The following GLCCI1 variants were observed in gnomAD, a reference collection of about 807,000 sequenced individuals.
GLCCI1 encodes glucocorticoid induced 1, also known as glucocorticoid-induced transcript 1 protein.
A neutral mutation model predicts 52.2 loss-of-function variants in GLCCI1; 24 were observed. That is an observed-to-expected ratio of 0.46 (90% CI 0.33 to 0.65). The LOEUF is 0.65. GLCCI1 is among the 30% of genes least tolerant of loss of function. The probability of loss-of-function intolerance (pLI) is 0.02; values close to 1 mark genes in which losing one functional copy is unlikely to be tolerated. For missense variants in GLCCI1, 704 were observed against 701.5 expected, an observed-to-expected ratio of 1.00 and a Z score of -0.04; for synonymous variants, 310 against 276.5, an observed-to-expected ratio of 1.12 and a Z score of -1.20.
chr7:7,994,162 G>T (rs148088957), intron 1 of GLCCI1, among the ~76,000 whole-genome samples: 13 of 152,294 alleles, frequency 8.5e-5, no homozygotes, highest in African/African-American at 2.9e-4. Context: ...GCTGAGACAT[G>T]AGAATCACTT....
At chr7:8,020,965 A>G (rs1299733094) in intron 2 of GLCCI1, among the ~76,000 whole-genome samples, 2 of 152,196 alleles carry the variant, frequency 1.3e-5, no homozygotes, top group East Asian at 1.9e-4. Flanking sequence ...TTTATAAGCA[A>G]CTTATTTAAT....
chr7:8,077,117 T>TCTTC (rs1384837435), intron 6 of GLCCI1, among the ~76,000 whole-genome samples: 24 of 152,334 alleles, frequency 1.6e-4, no homozygotes, highest in African/African-American at 5.5e-4. Flanking sequence ...AACTGTCTCA[T>TCTTC]CTTCCCCTTC....
In GLCCI1 at chr7:8,022,471, TA is replaced by T; in HGVS notation, c.610-11del. 6.8e-7 allele frequency: 1 copy of T among 1,463,302 alleles called. No homozygotes were observed. The allele number at this position is 1,463,302 out of a possible 1,614,324, so 90.6% of individuals were successfully genotyped here. On this transcript the variant is annotated splice_polypyrimidine_tract_variant and intron_variant, in intron 2 of 7. Transcript: ENST00000223145. Reference sequence around the variant, plus strand: ...AAATTTCTTATTTTATTTATATATATATTTTTTAAAGACACCTAGCTGTTGG... The same window carrying T: ...AAATTTCTTATTTTATTTATATATATTTTTTTAAAGACACCTAGCTGTTGG...
chr7:8,082,456 C>T (rs1352441131), intron 6 of GLCCI1, among the ~76,000 whole-genome samples: 2 of 152,196 alleles, frequency 1.3e-5, no homozygotes, highest in East Asian at 3.9e-4. Context: ...TCTCCATTCC[C>T]TGACCCCTAT....
At chr7:8,083,640 T>C (rs1301774732) in intron 6 of GLCCI1, among the ~76,000 whole-genome samples, 1 of 144,044 alleles carries the variant, frequency 6.9e-6, no homozygotes, top group Admixed American at 7.3e-5. Flanking sequence ...TGGTGCCTAC[T>C]CTGTAGGATC....
chr7:8,065,841 A>G (rs1782619592), intron 5 of GLCCI1, among the ~76,000 whole-genome samples: 1 of 152,132 alleles, frequency 6.6e-6, no homozygotes, highest in African/African-American at 2.4e-5. Context: ...TTTATCAAGG[A>G]TATTCACCTG....
chr7:7,981,467 C>T (rs1002159882), intron 1 of GLCCI1: 8 of 200,254 alleles, frequency 4.0e-5, no homozygotes, highest in African/African-American at 1.2e-4. Flanking sequence ...GGACTACAGG[C>T]GTGTGCCACC....
intron 3 of GLCCI1, among the ~76,000 whole-genome samples, chr7:8,050,106 C>G (rs1335415261): frequency 1.3e-5 from 2 of 152,074 alleles, no homozygotes; most frequent in East Asian, 1.9e-4. Context: ...GAATCTCTGT[C>G]TATTCCGGGA....
chr7:8,020,809 T>C (rs989188761), intron 2 of GLCCI1, among the ~76,000 whole-genome samples: 16 of 152,138 alleles, frequency 1.1e-4, no homozygotes, highest in Non-Finnish European at 1.5e-5. Context: ...GTTATATAAA[T>C]TATCAAAATA....
chr7:8,071,973 A>G (rs1434817528), intron 6 of GLCCI1, among the ~76,000 whole-genome samples: 2 of 152,210 alleles, frequency 1.3e-5, no homozygotes, highest in African/African-American at 4.8e-5. Context: ...CCCATCCCCT[A>G]TGATTGATGT....
intron 1 of GLCCI1, among the ~76,000 whole-genome samples, chr7:7,997,709 C>G (rs140529245): frequency 6.6e-6 from 1 of 152,048 alleles, no homozygotes; most frequent in South Asian, 2.1e-4. Flanking sequence ...AGGCAGATCA[C>G]CTGAGGTCAG....
intron 2 of GLCCI1, among the ~76,000 whole-genome samples, chr7:8,010,331 T>G (rs2115432025): frequency 6.6e-6 from 1 of 152,358 alleles, no homozygotes; most frequent in South Asian, 2.1e-4. Context: ...TGCTTTTGAT[T>G]AGATTTATAT....
At chr7:8,046,351 G>C (rs1229135073) in intron 3 of GLCCI1, among the ~76,000 whole-genome samples, 1 of 152,212 alleles carries the variant, frequency 6.6e-6, no homozygotes, top group Non-Finnish European at 1.5e-5. Context: ...TAACCTGAAA[G>C]ACTGGTTCAG....
intron 1 of GLCCI1, among the ~76,000 whole-genome samples, chr7:7,993,421 G>T (rs2115418166): frequency 6.6e-6 from 1 of 152,230 alleles, no homozygotes; most frequent in Non-Finnish European, 1.5e-5. Context: ...TGGATTCCAT[G>T]TTGGAAGCAG....
intron 1 of GLCCI1, among the ~76,000 whole-genome samples, chr7:8,003,607 G>A (rs1238968171): frequency 3.9e-5 from 6 of 152,194 alleles, no homozygotes; most frequent in Admixed American, 6.5e-5. Context: ...CAGTTCAGGT[G>A]AGACATGAAT....
At chr7:7,973,134 C>T (rs1041651211) in intron 1 of GLCCI1, among the ~76,000 whole-genome samples, 15 of 151,918 alleles carry the variant, frequency 9.9e-5, no homozygotes, top group Non-Finnish European at 2.9e-5. Context: ...TTGTAATAGA[C>T]GTAAAATCAT....
At chr7:8,029,695 ATAAAT>A (rs1421378904) in intron 3 of GLCCI1, among the ~76,000 whole-genome samples, 2 of 90,674 alleles carry the variant, frequency 2.2e-5, no homozygotes, top group Non-Finnish European at 2.2e-5. Flanking sequence ...ATTAAAACTG[ATAAAT>A]TCAGTTAAGT....
intron 1 of GLCCI1, among the ~76,000 whole-genome samples, chr7:7,985,215 AATGTGTGTATGT>A (rs1469383597): frequency 6.6e-6 from 1 of 152,104 alleles, no homozygotes; most frequent in Non-Finnish European, 1.5e-5. Flanking sequence ...GACCCAGGGA[AATGTGTGTATGT>A]ATGTGTATGA....
chr7:8,006,597 T>C (rs867954381), intron 2 of GLCCI1, among the ~76,000 whole-genome samples: 1 of 152,192 alleles, frequency 6.6e-6, no homozygotes, highest in Admixed American at 6.5e-5. Context: ...CTGCAGCAAA[T>C]ATAAAGACCA....
Sources: gnomAD v4.1 joint callset for allele counts (sites outside exome capture counted in the v4.1 genomes callset) on GRCh38, gnomAD v4.1.1 for gene constraint, MANE v1.5 for transcripts, NCBI Gene and HGNC (gene_info 2026-07-23, HGNC 2026-07-21) for gene names.